RIPOR3: variants seen among roughly 807,000 people sequenced by gnomAD.
The protein encoded by RIPOR3 is RIPOR family member 3.
In RIPOR3, 95 loss-of-function variants were observed where a neutral mutation model predicts 114.3. The ratio of observed to expected loss-of-function variants is 0.83; its 90% confidence interval spans 0.70 to 0.99. The LOEUF (loss-of-function observed/expected upper bound fraction) is 0.99. Ranked by LOEUF, RIPOR3 falls within the 50% of genes least tolerant of loss-of-function variation. The pLI is 0.00. For missense variants in RIPOR3, 1,252 were observed against 1,266.9 expected (o/e 0.99, Z 0.18); for synonymous variants, 575 against 543.8 (o/e 1.06, Z -0.80).
chr20:50,663,422 G>C (rs574198848), intron 1 of RIPOR3, among the ~76,000 whole-genome samples: 16 of 152,322 alleles, frequency 1.1e-4, no homozygotes, highest in African/African-American at 3.4e-4. Flanking sequence ...GGGTCAGGCA[G>C]TGCGACTCCA....
Position 50,635,769 on chromosome 20 carries a change from G to C in RIPOR3, c.4-4913C>G, listed in dbSNP as rs113564522. The stretch of plus-strand genomic sequence containing the variant: ...GAGGTCACACAGGTAGGAAATGCCA[G>C]AGCTGAAACTGGACCGGGGCGCGCT... On this transcript the variant is annotated intron_variant, in intron 1 of 21. Coordinates refer to ENST00000327979, the MANE Select transcript of RIPOR3 (RefSeq NM_001290268.2). 3.0e-3 allele frequency among the ~76,000 whole-genome samples: 455 copies of C among 152,366 alleles called. 2 individuals carry two copies. Among genetic ancestry groups the C allele is most frequent in the Non-Finnish European group, 3.9e-3 (266 of 68,024 alleles).
chr20:50,630,599 C>G (rs1169357333), intron 2 of RIPOR3, 139 bp downstream of exon 2: 11 of 621,764 alleles, frequency 1.8e-5, no homozygotes, highest in Admixed American at 2.9e-5. Flanking sequence ...CTCTCTCTCT[C>G]TGTCTCTCTC....
intron 2 of RIPOR3, among the ~76,000 whole-genome samples, chr20:50,623,342 A>G (rs2084494767): frequency 2.6e-5 from 4 of 152,232 alleles, no homozygotes; most frequent in South Asian, 4.1e-4. Context: ...GGGAAAATAC[A>G]GTATCCCAAG....
chr20:50,676,510 G>A (rs11700319), intron 1 of RIPOR3, among the ~76,000 whole-genome samples: 1 of 152,116 alleles, frequency 6.6e-6, no homozygotes, highest in South Asian at 2.1e-4. Context: ...AAATTAGCCA[G>A]ACATGGTGGT....
chr20:50,587,858 C>T lies in RIPOR3; in HGVS notation c.2696G>A (p.Cys899Tyr), dbSNP rs368478054. ...CCGCACGGCCTCCAGGTCAGACTGG[C>T]ACAGGCTGGCAGTCTGGTCGATGCT... ...IESIDQTASL[C>Y]QSDLEAVRAA... is the part of the protein sequence containing the mutation. The change falls in exon 21 of 22, where the codon TGC (cysteine) becomes TAC (tyrosine). Residue 899 changes from cysteine to tyrosine, a missense_variant. Cys to Tyr is a radical substitution (Grantham distance 194). Coordinates refer to ENST00000327979, the MANE Select transcript of RIPOR3 (RefSeq NM_001290268.2). 59 of 1,614,020 alleles carry T rather than the reference C, an allele frequency of 3.7e-5. No individual in the cohort carries two copies. The highest frequency in any genetic ancestry group is 5.0e-5 in the Non-Finnish European group (59 of 1,180,050).
chr20:50,591,422 G>A (rs1277082202), intron 19 of RIPOR3, among the ~76,000 whole-genome samples: 5 of 152,120 alleles, frequency 3.3e-5, no homozygotes, highest in Admixed American at 3.3e-4. Context: ...ATTGGCCATG[G>A]GTTGATGGTG....
At chr20:50,592,964 C>G in intron 18 of RIPOR3, 71 bp downstream of exon 18, 2 of 1,564,374 alleles carry the variant, frequency 1.3e-6, no homozygotes, top group Non-Finnish European at 1.7e-6. Flanking sequence ...TGAATTATAA[C>G]CTGAGAAACT....
At chr20:50,656,825 A>G (rs143415363) in intron 1 of RIPOR3, among the ~76,000 whole-genome samples, 306 of 152,296 alleles carry the variant, frequency 2.0e-3, no homozygotes, top group Admixed American at 3.9e-3. Context: ...AATGACTGCA[A>G]AATAGTCCAT....
intron 1 of RIPOR3, among the ~76,000 whole-genome samples, chr20:50,679,441 G>C (rs1312996792): frequency 6.6e-6 from 1 of 150,378 alleles, no homozygotes; most frequent in East Asian, 2.0e-4. Context: ...TCAGGAGTTC[G>C]AGACCAGCCT....
At chr20:50,667,490 C>T (rs1008330815) in intron 1 of RIPOR3, among the ~76,000 whole-genome samples, 1 of 152,056 alleles carries the variant, frequency 6.6e-6, no homozygotes, top group Non-Finnish European at 1.5e-5. Flanking sequence ...GACGGGGTTT[C>T]ACCATGTTGG....
At chr20:50,631,397 G>A (rs1280336169) in intron 1 of RIPOR3, among the ~76,000 whole-genome samples, 4 of 152,226 alleles carry the variant, frequency 2.6e-5, no homozygotes, top group Non-Finnish European at 5.9e-5. Flanking sequence ...GAAGGCTGAC[G>A]TGGGGTGAAG....
chr20:50,628,099 C>T (rs139053060), intron 2 of RIPOR3, among the ~76,000 whole-genome samples: 1 of 152,346 alleles, frequency 6.6e-6, no homozygotes, highest in African/African-American at 2.4e-5. Context: ...AGAGGCAGCT[C>T]AGAAATGGTT....
intron 19 of RIPOR3, among the ~76,000 whole-genome samples, chr20:50,590,250 C>T (rs2083067636): frequency 6.6e-6 from 1 of 152,214 alleles, no homozygotes; most frequent in Non-Finnish European, 1.5e-5. Flanking sequence ...CGACCATGGC[C>T]ACATCAGTTC....
At chr20:50,650,959 G>A (rs1374086385) in intron 1 of RIPOR3, among the ~76,000 whole-genome samples, 1 of 151,982 alleles carries the variant, frequency 6.6e-6, no homozygotes. Flanking sequence ...CCCTCAAACA[G>A]GACTGGCTTT....
intron 1 of RIPOR3, among the ~76,000 whole-genome samples, chr20:50,671,420 GCGCGCGCGCA>G: frequency 5.5e-5 from 1 of 18,236 alleles, no homozygotes; most frequent in Non-Finnish European, 1.7e-4. Context: ...GCGCGTGCAC[GCGCGCGCGCA>G]CACACACACA....
At position 50,602,274 on chromosome 20, in the gene RIPOR3, C is replaced by G; in HGVS notation, c.1457G>C (p.Gly486Ala). 6.2e-7 allele frequency: 1 copy of G among 1,613,982 alleles called. No individual in the cohort carries two copies. The highest frequency in any genetic ancestry group is 1.7e-5 in the Admixed American group (1 of 60,020). The stretch of plus-strand genomic sequence containing the variant: ...GGCTGTGCCGCTGTGGAACAGGGAG[C>G]CCTGTGGCAGGCTGGGGCTCTCCCC... ...LGGESPSLPQ[G>A]SLFHSGTASS... Residue 486 changes from glycine to alanine, a missense_variant, in exon 13 of 22, where the codon GGC (glycine) becomes GCC (alanine). Transcript: ENST00000327979. The surrounding 1 kb of genome is among the most constrained non-coding windows in gnomAD (Gnocchi z 4.3).
chr20:50,672,263 G>T (rs566225337), intron 1 of RIPOR3, among the ~76,000 whole-genome samples: 1 of 152,152 alleles, frequency 6.6e-6, no homozygotes, highest in Admixed American at 6.5e-5. Flanking sequence ...CCCGCAGCCC[G>T]TTCCTCCTGG....
At chr20:50,669,542 A>C (rs2086386626) in intron 1 of RIPOR3, among the ~76,000 whole-genome samples, 1 of 152,214 alleles carries the variant, frequency 6.6e-6, no homozygotes, top group African/African-American at 2.4e-5. Flanking sequence ...TCATCAACAC[A>C]GACTTTGCTA....
rs368172904 is a variant in RIPOR3 at position 50,639,667 on chromosome 20, G to A, written c.4-8811C>T. 3.0e-4 allele frequency among the ~76,000 whole-genome samples: 45 copies of A among 152,344 alleles called. 1 individual carries two copies. The highest frequency in any genetic ancestry group is 6.8e-3 in the Middle Eastern group (2 of 294). On this transcript the variant is annotated intron_variant, in intron 1 of 21. Transcript: ENST00000327979. ...AGGAGCACTTGAGCCCAGGAAGTTT[G>A]AGGCCAGCTTGGGCAACACCATGAG...
Sources: gnomAD v4.1 joint callset for allele counts (sites outside exome capture counted in the v4.1 genomes callset) on GRCh38, gnomAD v4.1.1 for gene constraint, Gnocchi (gnomAD v3.1) non-coding constraint, MANE v1.5 for transcripts, NCBI Gene and HGNC (gene_info 2026-07-23, HGNC 2026-07-21) for gene names.